The following CCDC192 variants were observed in gnomAD, a reference collection of about 807,000 sequenced individuals.
CCDC192 encodes coiled-coil domain containing 192.
chr5:127,894,167 G>A (rs372168366), intron 6 of CCDC192, among the ~76,000 whole-genome samples: 6 of 151,062 alleles, frequency 4.0e-5, no homozygotes, highest in Non-Finnish European at 5.9e-5. Context: ...CTGATTGCTC[G>A]GATACTTTAG....
intron 6 of CCDC192, among the ~76,000 whole-genome samples, chr5:127,926,608 ATGGGGGTAAAGGAGAAAC>A (rs1473926891): frequency 7.9e-5 from 12 of 152,324 alleles, no homozygotes; most frequent in African/African-American, 2.9e-4. Context: ...ATGAAAGAGC[ATGGGGGTAAAGGAGAAAC>A]TGGGTATGAG....
intron 6 of CCDC192, among the ~76,000 whole-genome samples, chr5:127,913,695 G>A (rs1190115656): frequency 6.6e-6 from 1 of 152,244 alleles, no homozygotes; most frequent in Non-Finnish European, 1.5e-5. Flanking sequence ...GATCTTAGGA[G>A]TAGTTAACAA....
At chr5:127,881,370 C>A (rs1752345352) in intron 6 of CCDC192, among the ~76,000 whole-genome samples, 1 of 152,200 alleles carries the variant, frequency 6.6e-6, no homozygotes, top group Non-Finnish European at 1.5e-5. Flanking sequence ...ACAGTTCTAA[C>A]AAGCAGATTA....
intron 2 of CCDC192, among the ~76,000 whole-genome samples, chr5:127,741,401 A>T (rs1753410468): frequency 6.6e-6 from 1 of 152,214 alleles, no homozygotes. Flanking sequence ...GGTGACTAGC[A>T]TGTGATATTC....
intron 2 of CCDC192, among the ~76,000 whole-genome samples, chr5:127,711,659 G>T (rs1359365837): frequency 6.6e-6 from 1 of 152,086 alleles, no homozygotes; most frequent in Non-Finnish European, 1.5e-5. Flanking sequence ...CTTTCAAATC[G>T]TTAATGAATC....
chr5:127,784,727 G>T, intron 3 of CCDC192: 1 of 555,610 alleles, frequency 1.8e-6, no homozygotes, highest in South Asian at 1.5e-5. Flanking sequence ...GAACCTGGAG[G>T]ATAGCTGAGT....
At chr5:127,893,213 G>A (rs1354483703) in intron 6 of CCDC192, among the ~76,000 whole-genome samples, 1 of 152,158 alleles carries the variant, frequency 6.6e-6, no homozygotes, top group Non-Finnish European at 1.5e-5. Flanking sequence ...AGGAAGTAAT[G>A]AACAGAATAT....
At chr5:127,754,006 C>T (rs533394571) in intron 2 of CCDC192, among the ~76,000 whole-genome samples, 1 of 152,318 alleles carries the variant, frequency 6.6e-6, no homozygotes, top group South Asian at 2.1e-4. Context: ...ATTCCAATGA[C>T]AGTTATTTAA....
At chr5:127,907,054 C>G (rs763294587) in intron 6 of CCDC192, among the ~76,000 whole-genome samples, 1 of 151,598 alleles carries the variant, frequency 6.6e-6, no homozygotes, top group East Asian at 1.9e-4. Context: ...TTTTTTTTCA[C>G]GATAGCCATC....
At chr5:127,710,750 T>C (rs1751278601) in intron 2 of CCDC192, among the ~76,000 whole-genome samples, 1 of 152,184 alleles carries the variant, frequency 6.6e-6, no homozygotes, top group Admixed American at 6.5e-5. Context: ...TTCCTATTGT[T>C]ATAATTACCA....
chr5:127,908,261 C>T (rs1397680938), intron 6 of CCDC192, among the ~76,000 whole-genome samples: 2 of 152,166 alleles, frequency 1.3e-5, no homozygotes, highest in Non-Finnish European at 2.9e-5. Context: ...ATAATCCAAA[C>T]ACATTTATTT....
intron 5 of CCDC192, among the ~76,000 whole-genome samples, chr5:127,858,895 A>G (rs745365831): frequency 2.6e-5 from 4 of 152,088 alleles, no homozygotes. Context: ...ACATTAAATC[A>G]TCATCAAGGG....
At chr5:127,922,919 G>A (rs1448797922) in intron 6 of CCDC192, among the ~76,000 whole-genome samples, 1 of 152,154 alleles carries the variant, frequency 6.6e-6, no homozygotes, top group Non-Finnish European at 1.5e-5. Flanking sequence ...AATAAATACC[G>A]GTAGAAACAT....
chr5:127,894,351 C>T (rs139741201), intron 6 of CCDC192, among the ~76,000 whole-genome samples: 1 of 152,004 alleles, frequency 6.6e-6, no homozygotes, highest in Non-Finnish European at 1.5e-5. Flanking sequence ...TGCCACCACG[C>T]CTGGCTAATT....
At chr5:127,855,631 T>A (rs564785277) in intron 5 of CCDC192, among the ~76,000 whole-genome samples, 3 of 152,210 alleles carry the variant, frequency 2.0e-5, no homozygotes, top group Non-Finnish European at 4.4e-5. Context: ...AGAATCACCA[T>A]CTATGGAAGC....
At chr5:127,757,008 GTA>G (rs955522291) in intron 3 of CCDC192, among the ~76,000 whole-genome samples, 6 of 152,104 alleles carry the variant, frequency 3.9e-5, no homozygotes, top group Admixed American at 3.3e-4. Flanking sequence ...TATTTTTTCA[GTA>G]ATATAGCAGA....
rs1753150342 is a variant in CCDC192, at chr5:127,904,714, C to G, written c.535+29053C>G. Among the ~76,000 whole-genome samples, 3 of 152,168 alleles carry G rather than the reference C, an allele frequency of 2.0e-5. No homozygotes were observed. The South Asian group carries it at 6.3e-4, about 32-fold the overall frequency. Reference sequence around the variant, plus strand: ...AAGGGGTATCACTATGTTGGCCAGGCTGATCTCGAACTCCTGACCTCAGGT... The same window carrying G: ...AAGGGGTATCACTATGTTGGCCAGGGTGATCTCGAACTCCTGACCTCAGGT... On this transcript the variant is annotated intron_variant, in intron 6 of 6. Coordinates refer to ENST00000514853, the MANE Select transcript of CCDC192 (RefSeq NM_001317938.2).
chr5:127,875,247 A>T (rs1268441539), intron 5 of CCDC192, among the ~76,000 whole-genome samples: 8 of 152,238 alleles, frequency 5.3e-5, no homozygotes, highest in Admixed American at 5.2e-4. Context: ...GAGTTCTTCT[A>T]ACTGCCTCTA....
At chr5:127,771,871 A>G (rs1292592892) in intron 3 of CCDC192, among the ~76,000 whole-genome samples, 2 of 152,158 alleles carry the variant, frequency 1.3e-5, no homozygotes, top group African/African-American at 4.8e-5. Context: ...TGAAAAGGAA[A>G]AAAAGGGGAA....
Sources: gnomAD v4.1 joint callset for allele counts (sites outside exome capture counted in the v4.1 genomes callset) on GRCh38, gnomAD v4.1.1 for gene constraint, MANE v1.5 for transcripts, NCBI Gene and HGNC (gene_info 2026-07-23, HGNC 2026-07-21) for gene names.